The following MYLK variants were observed in gnomAD, a reference collection of about 807,000 sequenced individuals.
MYLK encodes the protein myosin light chain kinase.
A neutral mutation model predicts 203.4 loss-of-function variants in MYLK; 106 were observed. That is an observed-to-expected ratio of 0.52 (90% CI 0.45 to 0.61). The LOEUF is 0.61. MYLK is among the 20% of genes least tolerant of loss of function. MYLK has a pLI of 0.00. For synonymous variants in MYLK, 867 were observed against 959.5 expected, an observed-to-expected ratio of 0.90 and a Z score of 1.78; for missense variants, 2,072 against 2,442.3, an observed-to-expected ratio of 0.85 and a Z score of 3.20.
intron 13 of MYLK, among the ~76,000 whole-genome samples, chr3:123,712,445 G>A (rs2061733339): frequency 6.6e-6 from 1 of 152,178 alleles, no homozygotes; most frequent in Non-Finnish European, 1.5e-5. Flanking sequence ...TAGATGCTAC[G>A]GGAACGTCAC....
chr3:123,656,888 C>T (rs951137252), intron 24 of MYLK, among the ~76,000 whole-genome samples: 1 of 152,186 alleles, frequency 6.6e-6, no homozygotes, highest in Non-Finnish European at 1.5e-5. Context: ...CCATCACCCC[C>T]TGGTGGCAGC....
chr3:123,649,138 C>G, intron 25 of MYLK, 24 bp downstream of exon 25: 5 of 1,613,946 alleles, frequency 3.1e-6, no homozygotes, highest in Non-Finnish European at 4.2e-6. Flanking sequence ...AAGAGCCTGA[C>G]CCGAAGACAG....
chr3:123,676,537 T>C (rs1331129055), intron 20 of MYLK, among the ~76,000 whole-genome samples: 1 of 152,220 alleles, frequency 6.6e-6, no homozygotes, highest in East Asian at 1.9e-4. Context: ...CAACTTTCCA[T>C]TTTAGAGGCA....
At chr3:123,874,791 T>C (rs1052985847) in intron 2 of MYLK, among the ~76,000 whole-genome samples, 2 of 152,004 alleles carry the variant, frequency 1.3e-5, no homozygotes, top group African/African-American at 4.8e-5. Flanking sequence ...ATCTAAATCA[T>C]AAGGAAACAA....
intron 4 of MYLK, among the ~76,000 whole-genome samples, chr3:123,769,562 A>T (rs956077664): frequency 9.2e-5 from 14 of 152,202 alleles, no homozygotes; most frequent in Non-Finnish European, 1.9e-4. Flanking sequence ...TTTATATCCC[A>T]GCCTGGGTGT....
At chr3:123,830,305 T>C (rs2066278940) in intron 3 of MYLK, among the ~76,000 whole-genome samples, 1 of 152,190 alleles carries the variant, frequency 6.6e-6, no homozygotes, top group Non-Finnish European at 1.5e-5. Context: ...CTGAGCCACA[T>C]ATGCTGTGTT....
intron 27 of MYLK, among the ~76,000 whole-genome samples, chr3:123,641,290 C>T (rs907906601): frequency 2.6e-5 from 4 of 152,208 alleles, no homozygotes; most frequent in African/African-American, 4.8e-5. Context: ...ATGGCCCCAC[C>T]GCCTGAGTTG....
chr3:123,758,566 C>T (rs899187599), intron 4 of MYLK, among the ~76,000 whole-genome samples: 5 of 152,074 alleles, frequency 3.3e-5, no homozygotes, highest in South Asian at 2.1e-4. Context: ...TCCTATGACC[C>T]GAGACATAGG....
chr3:123,772,273 C>T (rs1408507772), intron 4 of MYLK, among the ~76,000 whole-genome samples: 2 of 152,084 alleles, frequency 1.3e-5, no homozygotes, highest in Non-Finnish European at 2.9e-5. Flanking sequence ...TTTTGGTTCA[C>T]ATATTGACTA....
At position 123,676,442 on chromosome 3, in the gene MYLK, T is replaced by G. The variant is rs183699591; in HGVS notation, c.3652+5782A>C. 2.6e-4 allele frequency among the ~76,000 whole-genome samples: 40 copies of G among 152,324 alleles called. 1 individual carries two copies. Among genetic ancestry groups the G allele is most frequent in the Admixed American group, 1.4e-3 (21 of 15,310 alleles). On this transcript the variant is annotated intron_variant, in intron 20 of 33. Transcript: ENST00000360304. ...ACATTCCTCATGACCTGAGGAGGAATGTTTAAAAAAAAGATTTGATCCTGG... is the reference window on the plus strand; with the variant it reads ...ACATTCCTCATGACCTGAGGAGGAAGGTTTAAAAAAAAGATTTGATCCTGG...
Position 123,876,598 on chromosome 3 carries a change from T to C in MYLK, c.-166A>G, listed in dbSNP as rs1224044518. 1 of 152,200 alleles carries C rather than the reference T, an allele frequency of 6.6e-6. No homozygotes were observed. The highest frequency in any genetic ancestry group is 2.4e-5 in the African/African-American group (1 of 41,448). 9.4% of individuals were successfully genotyped at this position (152,200 alleles called of 1,614,324 possible). The stretch of plus-strand genomic sequence containing the variant: ...TTCAGCTGGCCCGAATTGGTTTCTG[T>C]TAATTTTGAAGAATCCTTCCTAATA... On this transcript the variant is annotated 5_prime_UTR_variant, in exon 2 of 34. Transcript: ENST00000360304.
chr3:123,666,830 G>GATGGACAGCAGGGCAGAA, intron 21 of MYLK: 1 of 573,586 alleles, frequency 1.7e-6, no homozygotes, highest in Admixed American at 3.1e-5. Flanking sequence ...GTAGGGCAGA[G>GATGGACAGCAGGGCAGAA]GATGGACAGC....
intron 7 of MYLK, 111 bp from the exon 8 acceptor site, chr3:123,737,654 C>G: frequency 7.1e-7 from 1 of 1,406,912 alleles, no homozygotes. Context: ...TGGGCAGCAG[C>G]GTCCTCTGCT....
chr3:123,858,909 G>A (rs2148683337), intron 2 of MYLK, among the ~76,000 whole-genome samples: 1 of 152,314 alleles, frequency 6.6e-6, no homozygotes, highest in East Asian at 1.9e-4. Context: ...CAGGAGAGCT[G>A]TGTGCTTACG....
chr3:123,626,444 A>G (rs1233094899), intron 31 of MYLK, among the ~76,000 whole-genome samples: 4 of 152,242 alleles, frequency 2.6e-5, no homozygotes, highest in Admixed American at 6.5e-5. Context: ...GAAATGTGAA[A>G]CCACCATACT....
At chr3:123,667,808 C>T (rs537597589) in intron 20 of MYLK, among the ~76,000 whole-genome samples, 21 of 152,250 alleles carry the variant, frequency 1.4e-4, no homozygotes, top group African/African-American at 4.8e-4. Context: ...ATGCCACACT[C>T]ATTAACCACT....
intron 2 of MYLK, among the ~76,000 whole-genome samples, chr3:123,848,741 T>A (rs1251506285): frequency 6.6e-6 from 1 of 152,116 alleles, no homozygotes; most frequent in African/African-American, 2.4e-5. Flanking sequence ...TTTGCAACCA[T>A]GAGGCAGCAA....
intron 16 of MYLK, among the ~76,000 whole-genome samples, chr3:123,704,907 G>A (rs111235811): frequency 9.5e-4 from 145 of 152,262 alleles, no homozygotes; most frequent in African/African-American, 3.3e-3. Flanking sequence ...GCGACAGAGT[G>A]AGATTCTGTC....
At chr3:123,688,883 C>T (rs1046608936) in intron 19 of MYLK, among the ~76,000 whole-genome samples, 1 of 152,234 alleles carries the variant, frequency 6.6e-6, no homozygotes, top group Admixed American at 6.5e-5. Context: ...CATTACCCTG[C>T]TTTGCTTTCT....
Sources: gnomAD v4.1 joint callset for allele counts (sites outside exome capture counted in the v4.1 genomes callset) on GRCh38, gnomAD v4.1.1 for gene constraint, MANE v1.5 for transcripts, NCBI Gene and HGNC (gene_info 2026-07-23, HGNC 2026-07-21) for gene names.